ZNF10: variants seen among roughly 807,000 people sequenced by gnomAD.
ZNF10 encodes the protein zinc finger protein 10 (KOX 1).
ZNF10 carries 8 observed loss-of-function variants against 12.2 expected under a neutral mutation model. The ratio of observed to expected loss-of-function variants is 0.66; its 90% CI spans 0.39 to 1.18. The LOEUF (loss-of-function observed/expected upper bound fraction) is 1.18. Ranked by LOEUF, ZNF10 falls within the 50% of genes most tolerant of loss-of-function variation. The probability of loss-of-function intolerance (pLI) is 0.01; values close to 1 mark genes in which losing one functional copy is unlikely to be tolerated. For synonymous variants in ZNF10, 229 were observed against 228.2 expected (o/e 1.00, Z -0.03); for missense variants, 603 against 678.9 (o/e 0.89, Z 1.24).
chr12:133,151,182 T>G, intron 3 of ZNF10, 28 bp downstream of exon 3: 1 of 1,600,524 alleles, frequency 6.2e-7, no homozygotes, highest in Non-Finnish European at 8.5e-7. Context: ...TTTGAAGATT[T>G]TGGTTCTCCA....
At chr12:133,134,866 A>G (rs561112510) in intron 1 of ZNF10, among the ~76,000 whole-genome samples, 18 of 152,288 alleles carry the variant, frequency 1.2e-4, no homozygotes, top group African/African-American at 3.6e-4. Flanking sequence ...TCTCTTTGCA[A>G]ATGTAAAGCT....
rs776605537 is a variant in ZNF10 at position 133,156,854 on chromosome 12, A to C, written c.1608A>C (p.Gln536His). 3.9e-6 allele frequency: 6 copies of C among 1,529,678 alleles called. No individual in the cohort carries two copies. The highest frequency in any genetic ancestry group is 5.3e-6 in the Non-Finnish European group (6 of 1,141,964). 94.8% of individuals were successfully genotyped at this position (1,529,678 alleles called of 1,614,324 possible). A position where few individuals can be genotyped will look rare whatever the true frequency, so the allele number is the denominator to read the frequency against. ...AGAACTCTCCATTTATAGTTCATCAAATAGCTCACACTGGAGAGCAGTTCT... is the reference window on the plus strand; with the variant it reads ...AGAACTCTCCATTTATAGTTCATCACATAGCTCACACTGGAGAGCAGTTCT... Reference protein sequence around the residue: ...FSQNSPFIVHQIAHTGEQFLT... With the variant: ...FSQNSPFIVHHIAHTGEQFLT... Residue 536 changes from glutamine (Q) to histidine (H), a missense_variant, in exon 5 of 5, where the codon CAA (glutamine) becomes CAC (histidine). By Grantham distance (24) the Gln-to-His change is conservative. Coordinates refer to ENST00000248211, the MANE Select transcript of ZNF10 (RefSeq NM_015394.5).
Position 133,156,736 on chromosome 12 carries a change from C to G in ZNF10, c.1490C>G (p.Ala497Gly), listed in dbSNP as rs1226693683. Residue 497 changes from alanine to glycine, a missense_variant, in exon 5 of 5, where the codon GCC becomes GGC. Ala to Gly is a moderately conservative substitution (Grantham distance 60). Transcript: ENST00000248211. The part of the protein sequence containing the change: ...KPYECCQCGK[A>G]FIRKNDLIKH... ...TATGAATGCTGTCAGTGTGGGAAAGCCTTCATCCGGAAGAATGACCTCATT... is the reference window on the plus strand; with the variant it reads ...TATGAATGCTGTCAGTGTGGGAAAGGCTTCATCCGGAAGAATGACCTCATT... The G allele has an allele frequency of 1.2e-6, 2 of 1,609,568 alleles. No individual in the cohort carries two copies. Among genetic ancestry groups the G allele is most frequent in the African/African-American group, 1.3e-5 (1 of 74,628 alleles).
At position 133,151,923 on chromosome 12, in the gene ZNF10, T is replaced by C. The variant is rs769744616; in HGVS notation, c.256+19T>C. ...CATCCTGGTGAGGACCAGTCAAGAG[T>C]TGTCATAGGCAGCAGCCCAGATGGG... On this transcript the variant is annotated intron_variant, in intron 4 of 4. Transcript: ENST00000248211. The C allele has an allele frequency of 8.7e-6, 14 of 1,606,430 alleles. No homozygotes were observed. Among genetic ancestry groups the C allele is most frequent in the Admixed American group, 1.7e-5 (1 of 59,910 alleles).
chr12:133,155,723 T>A lies in ZNF10; in HGVS notation c.477T>A (p.Thr159=), dbSNP rs1156895561. Residue 159 remains threonine (T), a synonymous_variant, in exon 5 of 5, where the codon ACT becomes ACA. Transcript: ENST00000248211. ...QVAFTQKKVL[T]QERVSESGKY... ...CATTCACCCAAAAGAAAGTACTTAC[T>A]CAGGAGAGAGTCTCTGAAAGTGGTA... 6.8e-6 allele frequency: 11 copies of A among 1,612,236 alleles called. No individual in the cohort carries two copies. The highest frequency in any genetic ancestry group is 8.5e-6 in the Non-Finnish European group (10 of 1,179,326).
chr12:133,153,517 TCTC>T (rs1164707864), intron 4 of ZNF10, among the ~76,000 whole-genome samples: 4 of 152,168 alleles, frequency 2.6e-5, no homozygotes, highest in Non-Finnish European at 5.9e-5. Flanking sequence ...TTGAAAAACT[TCTC>T]CATAAGATTT....
intron 1 of ZNF10, among the ~76,000 whole-genome samples, chr12:133,142,830 T>A (rs1955954210): frequency 6.6e-6 from 1 of 152,224 alleles, no homozygotes; most frequent in South Asian, 2.1e-4. Flanking sequence ...ATGACCCAGC[T>A]GTTTCAGTCC....
intron 1 of ZNF10, among the ~76,000 whole-genome samples, chr12:133,143,129 G>A (rs1955956036): frequency 6.6e-6 from 1 of 152,176 alleles, no homozygotes; most frequent in African/African-American, 2.4e-5. Context: ...CATGACCTAA[G>A]TAGAACAGGC....
intron 1 of ZNF10, among the ~76,000 whole-genome samples, chr12:133,132,354 C>G (rs1200940203): frequency 6.7e-6 from 1 of 149,914 alleles, no homozygotes; most frequent in Non-Finnish European, 1.5e-5. Flanking sequence ...ACTGCAACCT[C>G]TGCCTCCTGG....
chr12:133,151,770 CT>C (rs775168765), intron 3 of ZNF10, 38 bp from the exon 4 acceptor site: 3 of 1,571,682 alleles, frequency 1.9e-6, no homozygotes, highest in South Asian at 2.2e-5. Flanking sequence ...CAGAGCTCCC[CT>C]GACTCTTACC....
At chr12:133,132,333 G>C (rs547618405) in intron 1 of ZNF10, among the ~76,000 whole-genome samples, 2 of 146,260 alleles carry the variant, frequency 1.4e-5, no homozygotes, top group Non-Finnish European at 3.0e-5. Flanking sequence ...GCAATGGCTC[G>C]ATCTTGGCTC....
Position 133,151,789 on chromosome 12 carries a change from T to A in ZNF10, c.161-20T>A. ...GCTCCCCTGACTCTTACCCTGTTCT[T>A]TGTCTTTCACTGTGAACAGGTTATC... is the stretch of plus-strand genomic sequence containing the variant. On this transcript the variant is annotated intron_variant, in intron 3 of 4. Coordinates refer to ENST00000248211, the MANE Select transcript of ZNF10 (RefSeq NM_015394.5). 6.2e-7 allele frequency: 1 copy of A among 1,604,504 alleles called. No individual in the cohort carries two copies.
At chr12:133,154,233 C>T (rs1185173682) in intron 4 of ZNF10, among the ~76,000 whole-genome samples, 1 of 151,918 alleles carries the variant, frequency 6.6e-6, no homozygotes, top group East Asian at 1.9e-4. Context: ...ATATGTTTTA[C>T]CTGAAAGACA....
At chr12:133,133,296 T>C (rs1378137578) in intron 1 of ZNF10, among the ~76,000 whole-genome samples, 2 of 152,226 alleles carry the variant, frequency 1.3e-5, no homozygotes, top group Non-Finnish European at 2.9e-5. Flanking sequence ...GAAGAGACCC[T>C]GTTCTCTTTA....
intron 2 of ZNF10, among the ~76,000 whole-genome samples, chr12:133,150,146 T>A (rs1955999145): frequency 6.6e-6 from 1 of 152,208 alleles, no homozygotes; most frequent in Non-Finnish European, 1.5e-5. Context: ...CCCAGATATC[T>A]ACTGTTTTTG....
intron 1 of ZNF10, among the ~76,000 whole-genome samples, chr12:133,136,020 C>T (rs765042773): frequency 2.2e-4 from 34 of 152,222 alleles, no homozygotes; most frequent in Admixed American, 1.2e-3. Flanking sequence ...TTGTTCCTCT[C>T]ATTGTTAGCA....
At chr12:133,135,818 C>T (rs1490394289) in intron 1 of ZNF10, among the ~76,000 whole-genome samples, 2 of 152,354 alleles carry the variant, frequency 1.3e-5, no homozygotes, top group East Asian at 3.9e-4. Context: ...AAATCCCAGC[C>T]CAGAACACTG....
At chr12:133,140,255 G>A (rs1274311371) in intron 1 of ZNF10, among the ~76,000 whole-genome samples, 21 of 142,570 alleles carry the variant, frequency 1.5e-4, no homozygotes, top group African/African-American at 5.4e-4. Flanking sequence ...GCTCACACCT[G>A]TAGTTCTATC....
intron 1 of ZNF10, among the ~76,000 whole-genome samples, chr12:133,131,451 A>G (rs904385239): frequency 2.6e-5 from 4 of 152,148 alleles, no homozygotes; most frequent in Admixed American, 2.6e-4. Context: ...AATTCCAGCT[A>G]TACATTAATT....
Sources: gnomAD v4.1 joint callset for allele counts (sites outside exome capture counted in the v4.1 genomes callset) on GRCh38, gnomAD v4.1.1 for gene constraint, MANE v1.5 for transcripts, NCBI Gene and HGNC (gene_info 2026-07-23, HGNC 2026-07-21) for gene names.